The following CMSS1 variants were observed in gnomAD, a reference collection of about 807,000 sequenced individuals.
CMSS1 encodes protein CMSS1.
In CMSS1, 33 loss-of-function variants were observed where a neutral mutation model predicts 43.5. The observed-to-expected ratio is 0.76, with a 90% CI of 0.57 to 1.01. The LOEUF (loss-of-function observed/expected upper bound fraction) is 1.01. Among genes scored for constraint, CMSS1 ranks in the 50% least tolerant of loss-of-function variants. The pLI, the probability that CMSS1 is intolerant of heterozygous loss-of-function variation, is 0.00. For synonymous variants in CMSS1, 115 were observed against 117.2 expected (o/e 0.98, Z 0.12); for missense variants, 313 against 326.4 (o/e 0.96, Z 0.32).
At chr3:100,028,588 A>G (rs2107253287) in intron 1 of CMSS1, among the ~76,000 whole-genome samples, 1 of 152,348 alleles carries the variant, frequency 6.6e-6, no homozygotes, top group East Asian at 1.9e-4. Flanking sequence ...TTTTAAAAAT[A>G]ATATGTATTT....
chr3:99,974,682 G>A (rs368857866), intron 1 of CMSS1, among the ~76,000 whole-genome samples: 1 of 152,126 alleles, frequency 6.6e-6, no homozygotes, highest in African/African-American at 2.4e-5. Context: ...ACTCCAGCCT[G>A]AGTAACAAGA....
At chr3:100,094,202 G>A (rs1007002672) in intron 1 of CMSS1, among the ~76,000 whole-genome samples, 1 of 152,096 alleles carries the variant, frequency 6.6e-6, no homozygotes, top group Middle Eastern at 3.4e-3. Context: ...ACATCTTTTC[G>A]TCACTTGTCA....
intron 1 of CMSS1, among the ~76,000 whole-genome samples, chr3:100,044,692 T>C (rs1175127406): frequency 6.6e-6 from 1 of 152,202 alleles, no homozygotes; most frequent in Non-Finnish European, 1.5e-5. Context: ...AAAGATTTTT[T>C]TAATGAGGTA....
At chr3:100,122,905 T>A (rs73144468) in intron 1 of CMSS1, among the ~76,000 whole-genome samples, 1 of 152,318 alleles carries the variant, frequency 6.6e-6, no homozygotes, top group South Asian at 2.1e-4. Flanking sequence ...GATGGCCTTC[T>A]TTACAAAAAA....
rs550140941 is a variant in CMSS1 at position 99,993,934 on chromosome 3, T to G, written c.65-153039T>G. ...AATCAGGGATATTGGTTTATAGTTT[T>G]CAGTGTGTGTCCTTGTCTGATTTTG... On this transcript the variant is annotated intron_variant, in intron 1 of 9. Coordinates refer to ENST00000421999, the MANE Select transcript of CMSS1 (RefSeq NM_032359.4). 1.3e-4 allele frequency among the ~76,000 whole-genome samples: 20 copies of G among 152,326 alleles called. No individual in the cohort carries two copies. In the East Asian group the frequency reaches 3.7e-3, roughly 28 times the overall value.
intron 1 of CMSS1, among the ~76,000 whole-genome samples, chr3:99,818,677 C>T (rs1374575403): frequency 2.6e-5 from 4 of 152,158 alleles, no homozygotes; most frequent in Non-Finnish European, 4.4e-5. Flanking sequence ...ATCCTTTGAA[C>T]TCACTTATTT....
intron 1 of CMSS1, among the ~76,000 whole-genome samples, chr3:100,069,232 T>G (rs1374785316): frequency 6.6e-6 from 1 of 152,166 alleles, no homozygotes; most frequent in Non-Finnish European, 1.5e-5. Context: ...TTTCTGCACA[T>G]GGATGTTAGT....
At chr3:100,114,756 A>G (rs529463344) in intron 1 of CMSS1, among the ~76,000 whole-genome samples, 2 of 152,222 alleles carry the variant, frequency 1.3e-5, no homozygotes, top group African/African-American at 2.4e-5. Flanking sequence ...GCCCAGATGG[A>G]CATTAAATTG....
At chr3:100,147,175 C>A in intron 2 of CMSS1, 114 bp downstream of exon 2, 1 of 1,133,098 alleles carries the variant, frequency 8.8e-7, no homozygotes, top group Non-Finnish European at 1.2e-6. Flanking sequence ...TTTAAGAGAG[C>A]CTTTTACTTT....
At chr3:99,894,499 C>T (rs573496659) in intron 1 of CMSS1, among the ~76,000 whole-genome samples, 49 of 152,254 alleles carry the variant, frequency 3.2e-4, no homozygotes, top group African/African-American at 1.2e-3. Flanking sequence ...GTCTGTGTTG[C>T]TTATTATTTC....
At chr3:100,088,435 A>G (rs1576042117) in intron 1 of CMSS1, among the ~76,000 whole-genome samples, 2 of 152,260 alleles carry the variant, frequency 1.3e-5, no homozygotes, top group African/African-American at 4.8e-5. Context: ...TAGCTAATAT[A>G]TGGATAACTA....
intron 1 of CMSS1, chr3:99,929,788 G>T: frequency 8.4e-7 from 1 of 1,193,038 alleles, no homozygotes; most frequent in Non-Finnish European, 1.2e-6. Context: ...AGGAGTTACA[G>T]ATCATGCTCA....
rs185293125 is a variant in CMSS1 at position 100,037,452 on chromosome 3, A to G, written c.65-109521A>G. Among the ~76,000 whole-genome samples, 456 of 149,864 alleles carry G rather than the reference A, an allele frequency of 3.0e-3. 2 individuals carry two copies. The highest frequency in any genetic ancestry group is 0.011 in the African/African-American group (442 of 39,696). On this transcript the variant is annotated intron_variant, in intron 1 of 9. Transcript: ENST00000421999. ...CAAAAGATTAAAACAAAGCAAACAG[A>G]CACACACACACACACGCACATTGTT...
intron 1 of CMSS1, among the ~76,000 whole-genome samples, chr3:99,976,973 A>G (rs1708991359): frequency 6.6e-6 from 1 of 152,208 alleles, no homozygotes; most frequent in Non-Finnish European, 1.5e-5. Flanking sequence ...TGCACCTTGC[A>G]GGAATTCTAT....
At chr3:100,120,346 C>A (rs1399240372) in intron 1 of CMSS1, among the ~76,000 whole-genome samples, 1 of 152,176 alleles carries the variant, frequency 6.6e-6, no homozygotes, top group Admixed American at 6.5e-5. Flanking sequence ...CACTGGTTCT[C>A]TGAAATGTAG....
chr3:100,144,712 G>C (rs965382539), intron 1 of CMSS1, among the ~76,000 whole-genome samples: 1 of 152,194 alleles, frequency 6.6e-6, no homozygotes, highest in African/African-American at 2.4e-5. Context: ...GTCTTGCTAG[G>C]CTTCCTCTTT....
intron 1 of CMSS1, among the ~76,000 whole-genome samples, chr3:100,001,696 C>T (rs1709846870): frequency 6.6e-6 from 1 of 152,144 alleles, no homozygotes. Context: ...CCAAAAGAAA[C>T]AGTACACATT....
At chr3:100,162,520 AT>A in intron 4 of CMSS1, 88 bp downstream of exon 4, 1 of 1,410,710 alleles carries the variant, frequency 7.1e-7, no homozygotes, top group Non-Finnish European at 9.7e-7. Context: ...CAATTAACAC[AT>A]TTTCCAGCGG....
At chr3:100,124,375 A>G (rs1336934550) in intron 1 of CMSS1, among the ~76,000 whole-genome samples, 1 of 152,230 alleles carries the variant, frequency 6.6e-6, no homozygotes, top group Non-Finnish European at 1.5e-5. Context: ...CTAGTTTCTG[A>G]CCATTCAACT....
Sources: allele counts gnomAD v4.1 joint callset (sites outside exome capture counted in the v4.1 genomes callset), GRCh38; gene constraint gnomAD v4.1.1; transcripts MANE v1.5; gene names NCBI Gene and HGNC (gene_info 2026-07-23, HGNC 2026-07-21).